Variants in NRG3 observed in about 807,000 individuals in gnomAD.
NRG3 encodes the protein neuregulin 3, also known as pro-neuregulin-3, membrane-bound isoform.
Under a neutral mutation model 66.9 loss-of-function variants are expected in NRG3, and 31 were observed. The ratio of observed to expected loss-of-function variants is 0.46; its 90% CI spans 0.35 to 0.63. NRG3 has a LOEUF of 0.63. Ranked by LOEUF, NRG3 falls within the 20% of genes least tolerant of loss-of-function variation. NRG3 has a pLI of 0.00. For synonymous variants in NRG3, 393 were observed against 359.4 expected (o/e 1.09, Z -1.06); for missense variants, 910 against 878.9 (o/e 1.04, Z -0.45).
At chr10:82,648,545 A>T (rs1180158515) in intron 2 of NRG3, among the ~76,000 whole-genome samples, 2 of 152,160 alleles carry the variant, frequency 1.3e-5, no homozygotes, top group East Asian at 3.9e-4. Context: ...CTGTGAAGAA[A>T]GTCATTGGTA....
intron 1 of NRG3, among the ~76,000 whole-genome samples, chr10:82,122,709 A>G (rs1180534603): frequency 1.3e-5 from 2 of 152,126 alleles, no homozygotes; most frequent in African/African-American, 4.8e-5. Flanking sequence ...AGGAAACATA[A>G]TGGTCTCCAG....
At chr10:82,587,086 C>G (rs1485061526) in intron 2 of NRG3, among the ~76,000 whole-genome samples, 1 of 152,090 alleles carries the variant, frequency 6.6e-6, no homozygotes, top group South Asian at 2.1e-4. Flanking sequence ...CAAAATAATA[C>G]TAAGATGTGA....
intron 1 of NRG3, among the ~76,000 whole-genome samples, chr10:82,283,858 A>G (rs1322586137): frequency 6.6e-6 from 1 of 152,188 alleles, no homozygotes; most frequent in Non-Finnish European, 1.5e-5. Context: ...AATTTTTGAC[A>G]ACCCAGAACA....
chr10:81,923,009 T>C (rs1301176295), intron 1 of NRG3, among the ~76,000 whole-genome samples: 1 of 152,210 alleles, frequency 6.6e-6, no homozygotes, highest in African/African-American at 2.4e-5. Flanking sequence ...CAAAATGTTT[T>C]CAGTGGTGGT....
chr10:82,643,200 C>T (rs182832227), intron 2 of NRG3, among the ~76,000 whole-genome samples: 19 of 152,168 alleles, frequency 1.2e-4, no homozygotes, highest in Admixed American at 3.9e-4. Flanking sequence ...CACATGTTGC[C>T]AGAGGGACCC....
At chr10:82,984,973 C>G (rs145040094) in intron 8 of NRG3, 125 bp from the exon 9 acceptor site, 1 of 1,304,684 alleles carries the variant, frequency 7.7e-7, no homozygotes, top group Non-Finnish European at 1.1e-6. Context: ...ACCTATTATC[C>G]GTCTCATGGG....
At chr10:82,043,950 T>C (rs974742167) in intron 1 of NRG3, among the ~76,000 whole-genome samples, 32 of 152,074 alleles carry the variant, frequency 2.1e-4, no homozygotes, top group Non-Finnish European at 3.8e-4. Flanking sequence ...GTGTTATCTG[T>C]ATATACATTT....
At chr10:82,305,986 T>C (rs142689761) in intron 1 of NRG3, among the ~76,000 whole-genome samples, 1 of 152,342 alleles carries the variant, frequency 6.6e-6, no homozygotes, top group Non-Finnish European at 1.5e-5. Context: ...CTGAGAGAGA[T>C]ATATTTATCT....
chr10:82,803,243 G>T (rs1055128940), intron 3 of NRG3, among the ~76,000 whole-genome samples: 3 of 152,150 alleles, frequency 2.0e-5, no homozygotes, highest in Non-Finnish European at 4.4e-5. Flanking sequence ...GTATGACAGG[G>T]GCAGTAGAAA....
intron 2 of NRG3, among the ~76,000 whole-genome samples, chr10:82,372,535 G>T (rs1256004335): frequency 6.6e-6 from 1 of 152,076 alleles, no homozygotes; most frequent in Non-Finnish European, 1.5e-5. Context: ...ACATATTTGA[G>T]ATATTCACAA....
chr10:82,295,708 T>G (rs1356602995), intron 1 of NRG3, among the ~76,000 whole-genome samples: 1 of 152,190 alleles, frequency 6.6e-6, no homozygotes, highest in African/African-American at 2.4e-5. Flanking sequence ...AGTCTGCTAT[T>G]TTAACCTCTG....
intron 2 of NRG3, among the ~76,000 whole-genome samples, chr10:82,591,008 A>C (rs571993060): frequency 5.9e-5 from 9 of 152,328 alleles, no homozygotes; most frequent in Non-Finnish European, 7.3e-5. Flanking sequence ...AAATGGCCTC[A>C]AGACCCATCC....
chr10:82,761,948 C>CTTTCTCTCT (rs2059333116), intron 3 of NRG3, among the ~76,000 whole-genome samples: 1 of 126,606 alleles, frequency 7.9e-6, no homozygotes, highest in African/African-American at 3.0e-5. Flanking sequence ...TTCTTTCTTT[C>CTTTCTCTCT]TTTCTTTCTT....
intron 1 of NRG3, among the ~76,000 whole-genome samples, chr10:81,937,100 A>G (rs1400765025): frequency 6.6e-6 from 1 of 152,166 alleles, no homozygotes; most frequent in Non-Finnish European, 1.5e-5. Flanking sequence ...GTAGCATATA[A>G]CAGGATTTTC....
chr10:82,232,886 G>A, intron 1 of NRG3: 1 of 712,920 alleles, frequency 1.4e-6, no homozygotes, highest in Non-Finnish European at 2.6e-6. Context: ...AGGATGAACA[G>A]TTTAGGACTA....
chr10:82,050,447 A>G (rs2133122903), intron 1 of NRG3, among the ~76,000 whole-genome samples: 1 of 152,004 alleles, frequency 6.6e-6, no homozygotes, highest in East Asian at 2.0e-4. Flanking sequence ...GGCTGGCTGA[A>G]TGGATTGGTG....
chr10:81,985,513 C>A (rs552620354), intron 1 of NRG3, among the ~76,000 whole-genome samples: 1 of 152,168 alleles, frequency 6.6e-6, no homozygotes, highest in East Asian at 1.9e-4. Context: ...CTAACACATC[C>A]CAGCAATTCT....
chr10:82,045,467 G>A (rs11192287), intron 1 of NRG3, among the ~76,000 whole-genome samples: 17,453 of 61,558 alleles, frequency 0.28, 2,554 homozygotes, highest in Middle Eastern at 0.39. Context: ...CTGGATATTA[G>A]CCCTTTGTCA....
intron 2 of NRG3, among the ~76,000 whole-genome samples, chr10:82,626,156 A>G (rs2049406574): frequency 6.6e-6 from 1 of 152,172 alleles, no homozygotes; most frequent in Non-Finnish European, 1.5e-5. Flanking sequence ...TGGCTGACTC[A>G]AATCATGTTG....
Sources: allele counts gnomAD v4.1 joint callset (sites outside exome capture counted in the v4.1 genomes callset), GRCh38; gene constraint gnomAD v4.1.1; transcripts MANE v1.5; gene names NCBI Gene and HGNC (gene_info 2026-07-23, HGNC 2026-07-21).